The following ATP13A1 variants were observed in gnomAD, a reference collection of about 807,000 sequenced individuals.
ATP13A1 encodes ATPase 13A1, also known as endoplasmic reticulum transmembrane helix translocase.
In ATP13A1, 55 loss-of-function variants were observed where a neutral mutation model predicts 134.8. That is an observed-to-expected ratio of 0.41 (90% CI 0.33 to 0.51). ATP13A1 has a LOEUF of 0.51. Among genes scored for constraint, ATP13A1 ranks in the 20% least tolerant of loss-of-function variants. The pLI is 0.29. For missense variants in ATP13A1, 1,389 were observed against 1,652.8 expected (o/e 0.84, Z 2.77); for synonymous variants, 775 against 725.1 (o/e 1.07, Z -1.10).
In ATP13A1 at chr19:19,663,612, C is replaced by G; in HGVS notation, c.55G>C (p.Gly19Arg). 1 of 1,389,076 alleles carries G rather than the reference C, an allele frequency of 7.2e-7. No individual in the cohort carries two copies. Among genetic ancestry groups the G allele is most frequent in the Non-Finnish European group, 9.3e-7 (1 of 1,080,350 alleles). The allele number at this position is 1,389,076 out of a possible 1,614,324, so 86.0% of individuals were successfully genotyped here. The change falls in exon 1 of 26, where the codon GGG (glycine) becomes CGG (arginine). Residue 19 changes from glycine (G) to arginine (R), a missense_variant. Physicochemically the swap from Gly to Arg is moderately radical, Grantham distance 125. Coordinates refer to ENST00000357324, the MANE Select transcript of ATP13A1 (RefSeq NM_020410.3). ...NAVPCGARPC[G>R]VRPDGQPKPG... ...TTGGGCTGCCCGTCAGGCCGGACCC[C>G]GCAAGGCCGGGCCCCGCAGGGCACC...
In ATP13A1 at chr19:19,653,932, C is replaced by T. The variant is rs778221984; in HGVS notation, c.1989+37G>A. 46 of 1,572,368 alleles carry T rather than the reference C, an allele frequency of 2.9e-5. No individual in the cohort carries two copies. Among genetic ancestry groups the T allele is most frequent in the Middle Eastern group, 1.7e-4 (1 of 6,016 alleles). Reference sequence around the variant, plus strand: ...CAGGGGGATGTCACGGGCTGCCCCGCGCCCCCACCCCTTGCCCCAGGCTGG... The same window carrying T: ...CAGGGGGATGTCACGGGCTGCCCCGTGCCCCCACCCCTTGCCCCAGGCTGG... On this transcript the variant is annotated intron_variant, in intron 14 of 25. Transcript: ENST00000357324. This position sits in a 1 kb window ranked among gnomAD's most constrained non-coding sequence, Gnocchi z 4.2.
chr19:19,654,411 C>T, intron 13 of ATP13A1, 132 bp downstream of exon 13: 3 of 1,219,716 alleles, frequency 2.5e-6, no homozygotes, highest in Non-Finnish European at 3.3e-6. Flanking sequence ...AGCCTCTGGC[C>T]ACCCACCTCG....
chr19:19,661,377 A>C (rs1229575981), intron 1 of ATP13A1, among the ~76,000 whole-genome samples: 1 of 152,144 alleles, frequency 6.6e-6, no homozygotes, highest in Non-Finnish European at 1.5e-5. Flanking sequence ...ATGGGGCTCG[A>C]TCGTGCCTCA....
intron 16 of ATP13A1, among the ~76,000 whole-genome samples, chr19:19,652,206 A>T (rs1186373963): frequency 6.6e-6 from 1 of 151,760 alleles, no homozygotes; most frequent in Non-Finnish European, 1.5e-5. Context: ...CACCCCTTAC[A>T]CCCTAAAAGA....
chr19:19,654,624 T>C lies in ATP13A1; in HGVS notation c.1732A>G (p.Met578Val). 1 of 1,613,650 alleles carries C rather than the reference T, an allele frequency of 6.2e-7. No individual in the cohort carries two copies. Among genetic ancestry groups the C allele is most frequent in the Non-Finnish European group, 8.5e-7 (1 of 1,179,854 alleles). ...ACGAGGGTGCCGTCGTCCAGCTGCA[T>C]GAGCGAGTGGCACGAGGCCAGGGCC... ...HRALASCHSL[M>V]QLDDGTLVGD... The change falls in exon 13 of 26, where the codon ATG (methionine) becomes GTG (valine). Residue 578 changes from methionine (M) to valine (V), a missense_variant. Met to Val is a conservative substitution (Grantham distance 21). This residue lies in a region of ATP13A1 where 747 missense variants were observed against 956.1 expected (regional missense o/e 0.78). Transcript: ENST00000357324.
At chr19:19,658,452 C>A (rs1031191215) in intron 3 of ATP13A1, among the ~76,000 whole-genome samples, 3 of 152,182 alleles carry the variant, frequency 2.0e-5, no homozygotes, top group African/African-American at 7.2e-5. Context: ...ATTAATGTGA[C>A]TGGCCAACCT....
In ATP13A1 at chr19:19,647,262, A is replaced by G; in HGVS notation, c.2972T>C (p.Leu991Pro). Residue 991 changes from leucine to proline, a missense_variant, in exon 22 of 26, where the codon CTG becomes CCG. Around this residue, in one of 4 missense-constraint regions of ATP13A1, gnomAD observed 228 missense variants for 321.0 expected, o/e 0.71. Coordinates refer to ENST00000357324, the MANE Select transcript of ATP13A1 (RefSeq NM_020410.3). This position sits in a 1 kb window ranked among gnomAD's most constrained non-coding sequence, Gnocchi z 4.8. ...LVTTLQMFKI[L>P]ALNALILAYS... ...GGCCAGGATGAGGGCATTGAGCGCC[A>G]GGATCTTGAACATCTGTAGCGTGGT... 6.2e-7 allele frequency: 1 copy of G among 1,613,772 alleles called. No individual in the cohort carries two copies.
chr19:19,652,478 T>A (rs2062031001), intron 16 of ATP13A1, 117 bp downstream of exon 16: 7 of 1,400,432 alleles, frequency 5.0e-6, no homozygotes, highest in Non-Finnish European at 6.7e-6. Flanking sequence ...ATGATCTTGC[T>A]CAGCTAAAAC....
chr19:19,651,818 G>A (rs1281654034), intron 16 of ATP13A1, 21 bp from the exon 17 acceptor site: 3 of 1,580,122 alleles, frequency 1.9e-6, no homozygotes, highest in East Asian at 4.5e-5. Context: ...GAGGGGCAGA[G>A]GCTCAGCATG....
chr19:19,647,482 G>A lies in ATP13A1; in HGVS notation c.2840C>T (p.Pro947Leu). The A allele has an allele frequency of 1.2e-6, 2 of 1,613,420 alleles. No homozygotes were observed. Among genetic ancestry groups the A allele is most frequent in the Non-Finnish European group, 1.7e-6 (2 of 1,179,666 alleles). The change falls in exon 21 of 26, where the codon CCC becomes CTC. Residue 947 changes from proline (P) to leucine (L), a missense_variant. By Grantham distance (98) the Pro-to-Leu change is moderately conservative (BLOSUM62 -3). Transcript: ENST00000357324. This position sits in a 1 kb window ranked among gnomAD's most constrained non-coding sequence, Gnocchi z 4.8. Reference sequence around the variant, plus strand: ...GCTGGCATCCCCCAGTTTCACAATGGGCGTACTCTCGTCCTCGAGGTCTCG... The same window carrying A: ...GCTGGCATCCCCCAGTTTCACAATGAGCGTACTCTCGTCCTCGAGGTCTCG... Reference protein sequence around the residue: ...VLRDLEDESTPIVKLGDASIA... With the variant: ...VLRDLEDESTLIVKLGDASIA...
At chr19:19,652,795 A>G in intron 15 of ATP13A1, 75 bp from the exon 16 acceptor site, 1 of 1,498,348 alleles carries the variant, frequency 6.7e-7, no homozygotes, top group South Asian at 1.3e-5. Flanking sequence ...AGCTCTGACC[A>G]TGCGCTGGGA....
intron 12 of ATP13A1, 120 bp from the exon 13 acceptor site, chr19:19,654,820 C>A (rs1022927508): frequency 8.1e-7 from 1 of 1,240,084 alleles, no homozygotes; most frequent in Non-Finnish European, 1.1e-6. Context: ...GTGGCTTGGG[C>A]GCCAACTGGG....
intron 12 of ATP13A1, 149 bp downstream of exon 12, chr19:19,654,970 G>A (rs770601615): frequency 1.6e-4 from 215 of 1,317,368 alleles, no homozygotes; most frequent in Non-Finnish European, 2.1e-4. Flanking sequence ...TGACACCCAG[G>A]ACTTTGTGGG....
Position 19,652,732 on chromosome 19 carries a change from CA to C in ATP13A1, c.2101-13del. 1 of 1,597,958 alleles carries C rather than the reference CA, an allele frequency of 6.3e-7. No individual in the cohort carries two copies. The highest frequency in any genetic ancestry group is 1.3e-5 in the African/African-American group (1 of 74,808). ...TTGACCTCCCGGGCCTGCGGACAGA[CA>C]GGGGCACCCTCACCATCTGTCCCTC... On this transcript the variant is annotated splice_polypyrimidine_tract_variant and intron_variant, in intron 15 of 25. Transcript: ENST00000357324.
intron 17 of ATP13A1, chr19:19,651,118 A>AG (rs35939960): frequency 0.3 from 45,384 of 152,138 alleles, 7,493 homozygotes; most frequent in African/African-American, 0.43. Context: ...TCTACAAAGC[A>AG]GGGCCCCGAG....
chr19:19,663,074 C>A (rs755324751), intron 1 of ATP13A1, 197 bp downstream of exon 1: 3 of 808,654 alleles, frequency 3.7e-6, no homozygotes. Flanking sequence ...AAGGAAATAA[C>A]CCGCACCAGG....
rs1568426866 is a variant in ATP13A1, at chr19:19,651,791, T to C, written c.2233A>G (p.Met745Val). The C allele has an allele frequency of 1.2e-6, 2 of 1,612,112 alleles. No individual in the cohort carries two copies. Among genetic ancestry groups the C allele is most frequent in the Non-Finnish European group, 1.7e-6 (2 of 1,179,008 alleles). The change falls in exon 17 of 26, where the codon ATG becomes GTG. Residue 745 changes from methionine (M) to valine (V), a missense_variant. By Grantham distance (21) the Met-to-Val change is conservative. Coordinates refer to ENST00000357324, the MANE Select transcript of ATP13A1 (RefSeq NM_020410.3). Reference protein sequence around the residue: ...EIQNASHRVVMITGDNPLTAC... With the variant: ...EIQNASHRVVVITGDNPLTAC... Reference sequence around the variant, plus strand: ...GTGAGCGGGTTGTCTCCCGTGATCATGACCACCTTGGGTAAAGAGGGGCAG... The same window carrying C: ...GTGAGCGGGTTGTCTCCCGTGATCACGACCACCTTGGGTAAAGAGGGGCAG...
chr19:19,654,126 C>T lies in ATP13A1; in HGVS notation c.1832G>A (p.Arg611Gln), dbSNP rs868244680. ...TLTKDEKVFP[R>Q]SIKTQGLKIH... ...TTTCAGCCCCTGAGTTTTAATACTTCGGGGGAATACTTTCTCATCTGGAAA... is the reference window on the plus strand; with the variant it reads ...TTTCAGCCCCTGAGTTTTAATACTTTGGGGGAATACTTTCTCATCTGGAAA... Residue 611 changes from arginine (R) to glutamine (Q), a missense_variant, in exon 14 of 26, where the codon CGA becomes CAA. By Grantham distance (43) the Arg-to-Gln change is conservative (BLOSUM62 1). Coordinates refer to ENST00000357324, the MANE Select transcript of ATP13A1 (RefSeq NM_020410.3). 6.3e-6 allele frequency: 10 copies of T among 1,588,422 alleles called. No homozygotes were observed. Among genetic ancestry groups the T allele is most frequent in the African/African-American group, 1.3e-5 (1 of 74,532 alleles).
At position 19,655,926 on chromosome 19, in the gene ATP13A1, G is replaced by T; in HGVS notation, c.1221C>A (p.Asp407Glu). 6.2e-7 allele frequency: 1 copy of T among 1,601,798 alleles called. No individual in the cohort carries two copies. Among genetic ancestry groups the T allele is most frequent in the Non-Finnish European group, 8.5e-7 (1 of 1,177,962 alleles). Residue 407 changes from aspartate (D) to glutamate (E), a missense_variant, in exon 9 of 26, where the codon GAC (aspartate) becomes GAA (glutamate). Around this residue, in one of 4 missense-constraint regions of ATP13A1, gnomAD observed 747 missense variants for 956.1 expected, o/e 0.78. Coordinates refer to ENST00000357324, the MANE Select transcript of ATP13A1 (RefSeq NM_020410.3). The surrounding 1 kb of genome is among the most constrained non-coding windows in gnomAD (Gnocchi z 5.7). ...QKATTGLKPV[D>E]SGCVAYVLRT... is the part of the protein sequence containing the mutation. The stretch of plus-strand genomic sequence containing the variant: ...GCAGGACGTAGGCCACGCACCCGCT[G>T]TCAACCGCTGGGGAGAGAAGCAGAG...
Sources: gnomAD v4.1 joint callset for allele counts (sites outside exome capture counted in the v4.1 genomes callset) on GRCh38, gnomAD v4.1.1 for gene constraint, gnomAD v4.1.1 regional missense constraint, Gnocchi (gnomAD v3.1) non-coding constraint, MANE v1.5 for transcripts, NCBI Gene and HGNC (gene_info 2026-07-23, HGNC 2026-07-21) for gene names.